The following SUCLG2 variants were observed in gnomAD, a reference collection of about 807,000 sequenced individuals.
SUCLG2 encodes the protein succinate-CoA ligase GDP-forming subunit beta.
SUCLG2 carries 42 observed loss-of-function variants against 47.9 expected under a neutral mutation model. The observed-to-expected ratio is 0.88, with a 90% CI of 0.69 to 1.14. The LOEUF is 1.14. Among genes scored for constraint, SUCLG2 ranks in the 50% most tolerant of loss-of-function variants. SUCLG2 has a pLI of 0.00. For synonymous variants in SUCLG2, 195 were observed against 197.3 expected (o/e 0.99, Z 0.10); for missense variants, 571 against 525.9 (o/e 1.09, Z -0.84).
At chr3:67,552,388 A>G (rs1169391459) in intron 2 of SUCLG2, among the ~76,000 whole-genome samples, 1 of 152,018 alleles carries the variant, frequency 6.6e-6, no homozygotes, top group African/African-American at 2.4e-5. Flanking sequence ...AACAAGGCCC[A>G]CTCTATTGGT....
At chr3:67,496,044 G>T in intron 8 of SUCLG2, 104 bp from the exon 9 acceptor site, 1 of 1,385,840 alleles carries the variant, frequency 7.2e-7, no homozygotes, top group Non-Finnish European at 9.9e-7. Flanking sequence ...CTCTGTCATT[G>T]CCAGGCCAAT....
chr3:67,419,962 G>A (rs1703118222), intron 9 of SUCLG2, among the ~76,000 whole-genome samples: 1 of 152,164 alleles, frequency 6.6e-6, no homozygotes. Flanking sequence ...ACACTGCAAG[G>A]AAGGCAGGGA....
intron 2 of SUCLG2, among the ~76,000 whole-genome samples, chr3:67,531,832 A>C (rs1706412172): frequency 6.6e-6 from 1 of 152,210 alleles, no homozygotes; most frequent in Admixed American, 6.5e-5. Flanking sequence ...CAAGGTGCTG[A>C]AAATTAAGAT....
chr3:67,387,314 G>A (rs1002587533), intron 10 of SUCLG2, among the ~76,000 whole-genome samples: 4 of 152,130 alleles, frequency 2.6e-5, no homozygotes, highest in Non-Finnish European at 5.9e-5. Flanking sequence ...TTAAAATGTT[G>A]ATGTCAGACT....
At chr3:67,523,041 G>A (rs996782564) in intron 4 of SUCLG2, among the ~76,000 whole-genome samples, 12 of 151,972 alleles carry the variant, frequency 7.9e-5, no homozygotes, top group African/African-American at 1.2e-4. Flanking sequence ...GCCCACCTCC[G>A]CCTCCAAAGT....
chr3:67,585,365 C>T (rs1707989258), intron 2 of SUCLG2, among the ~76,000 whole-genome samples: 1 of 152,142 alleles, frequency 6.6e-6, no homozygotes, highest in Non-Finnish European at 1.5e-5. Context: ...TGGTCTTGAC[C>T]ATGGAAAGAA....
At chr3:67,424,440 A>C (rs1559520955) in intron 9 of SUCLG2, among the ~76,000 whole-genome samples, 1 of 152,156 alleles carries the variant, frequency 6.6e-6, no homozygotes, top group Non-Finnish European at 1.5e-5. Context: ...AGGATGATGC[A>C]TTGGAACTGT....
chr3:67,616,295 T>C (rs1700627346), intron 1 of SUCLG2, among the ~76,000 whole-genome samples: 1 of 152,192 alleles, frequency 6.6e-6, no homozygotes, highest in Non-Finnish European at 1.5e-5. Flanking sequence ...CTATTAAGTC[T>C]GAACATGGTA....
At chr3:67,592,030 G>A (rs1381667354) in intron 2 of SUCLG2, among the ~76,000 whole-genome samples, 1 of 152,130 alleles carries the variant, frequency 6.6e-6, no homozygotes, top group Non-Finnish European at 1.5e-5. Context: ...ACTGATCTGA[G>A]TTATCGCTAT....
At chr3:67,482,286 A>G (rs1314444057) in intron 9 of SUCLG2, among the ~76,000 whole-genome samples, 1 of 152,220 alleles carries the variant, frequency 6.6e-6, no homozygotes. Context: ...AACCACTAGA[A>G]GAGAAATATA....
intron 2 of SUCLG2, among the ~76,000 whole-genome samples, chr3:67,553,219 T>G (rs537451895): frequency 2.2e-4 from 33 of 152,202 alleles, no homozygotes; most frequent in Admixed American, 3.9e-4. Context: ...GCATCCAATG[T>G]GGCATCCAGC....
rs60612549 is a variant in SUCLG2 at position 67,534,768 on chromosome 3, C to CAAAAAAA, written c.227-5589_227-5583dup. 1.0e-3 allele frequency among the ~76,000 whole-genome samples: 35 copies of CAAAAAAA among 34,948 alleles called. 4 individuals are homozygous for CAAAAAAA. The highest frequency in any genetic ancestry group is 1.6e-3 in the African/African-American group (18 of 11,302). 22.9% of individuals were successfully genotyped at this position (34,948 alleles called of 152,430 possible). On this transcript the variant is annotated intron_variant, in intron 2 of 10. Coordinates refer to ENST00000307227, the MANE Select transcript of SUCLG2 (RefSeq NM_003848.4). ...GGACAGAACTCCCTAACACTGATGGCAAAAAAAAAAAAAAAAAAAAAAAAA... is the reference window on the plus strand; with the variant it reads ...GGACAGAACTCCCTAACACTGATGGCAAAAAAAAAAAAAAAAAAAAAAAAAAAAAAAA...
intron 10 of SUCLG2, among the ~76,000 whole-genome samples, chr3:67,382,263 C>T (rs1384990061): frequency 1.3e-5 from 2 of 152,162 alleles, no homozygotes; most frequent in African/African-American, 4.8e-5. Flanking sequence ...ACAGGAGAGG[C>T]AACAAAAACA....
At chr3:67,446,610 T>C (rs2106926684) in intron 9 of SUCLG2, among the ~76,000 whole-genome samples, 2 of 151,260 alleles carry the variant, frequency 1.3e-5, no homozygotes, top group South Asian at 2.1e-4. Flanking sequence ...CTTTTTTTTT[T>C]TTTAGTAGAG....
intron 1 of SUCLG2, among the ~76,000 whole-genome samples, chr3:67,632,149 AAGCC>A (rs1158301844): frequency 6.6e-6 from 1 of 151,200 alleles, no homozygotes; most frequent in Non-Finnish European, 1.5e-5. Flanking sequence ...ATAGACAAAT[AAGCC>A]AGTTCAAGCA....
intron 1 of SUCLG2, among the ~76,000 whole-genome samples, chr3:67,621,373 T>C (rs1700733990): frequency 6.6e-6 from 1 of 152,192 alleles, no homozygotes; most frequent in Admixed American, 6.5e-5. Flanking sequence ...TTTACAATGT[T>C]AGTTGATATG....
chr3:67,648,205 G>A (rs1007087720), intron 1 of SUCLG2, among the ~76,000 whole-genome samples: 21 of 152,192 alleles, frequency 1.4e-4, no homozygotes, highest in African/African-American at 1.9e-4. Context: ...AAGAACATGG[G>A]AGATCCCATA....
At chr3:67,470,541 C>T (rs552382449) in intron 9 of SUCLG2, among the ~76,000 whole-genome samples, 26 of 152,152 alleles carry the variant, frequency 1.7e-4, no homozygotes, top group Non-Finnish European at 3.1e-4. Context: ...GGATGAATGT[C>T]TTTATTGCAA....
chr3:67,646,933 T>TC (rs1233570930), intron 1 of SUCLG2, among the ~76,000 whole-genome samples: 2 of 152,114 alleles, frequency 1.3e-5, no homozygotes, highest in Non-Finnish European at 2.9e-5. Context: ...CTTCAATGGC[T>TC]CCCTATTGCC....
Sources: gnomAD v4.1 joint callset for allele counts (sites outside exome capture counted in the v4.1 genomes callset) on GRCh38, gnomAD v4.1.1 for gene constraint, MANE v1.5 for transcripts, NCBI Gene and HGNC (gene_info 2026-07-23, HGNC 2026-07-21) for gene names.